PARD3B: variants seen among roughly 807,000 people sequenced by gnomAD.
The protein encoded by PARD3B is partitioning defective 3 homolog B.
Under a neutral mutation model 130.2 loss-of-function variants are expected in PARD3B, and 103 were observed. That is an observed-to-expected ratio of 0.79 (90% CI 0.67 to 0.93). The LOEUF is 0.93. PARD3B is among the 40% of genes least tolerant of loss of function. PARD3B has a pLI of 0.00. For missense variants in PARD3B, 1,609 were observed against 1,499.2 expected, an observed-to-expected ratio of 1.07 and a Z score of -1.21; for synonymous variants, 583 against 553.2, an observed-to-expected ratio of 1.05 and a Z score of -0.76.
rs2036182610 is a variant in PARD3B, at chr2:205,187,823, C to T, written c.2024+1960C>T. Reference sequence around the variant, plus strand: ...CCCGTGTGTTTTAGGCCTCTGTTCTCACTTCTTTATTAGAACTGCTCTCTT... The same window carrying T: ...CCCGTGTGTTTTAGGCCTCTGTTCTTACTTCTTTATTAGAACTGCTCTCTT... On this transcript the variant is annotated intron_variant, in intron 14 of 22. Transcript: ENST00000406610. The surrounding 1 kb of genome is among the most constrained non-coding windows in gnomAD (Gnocchi z 4.9). Among the ~76,000 whole-genome samples the T allele has an allele frequency of 1.3e-5, 2 of 152,326 alleles. No individual in the cohort carries two copies. Among genetic ancestry groups the T allele is most frequent in the South Asian group, 4.1e-4 (2 of 4,822 alleles).
chr2:205,490,054 C>G (rs948363580), intron 20 of PARD3B, among the ~76,000 whole-genome samples: 2 of 152,112 alleles, frequency 1.3e-5, no homozygotes, highest in African/African-American at 4.8e-5. Context: ...AGCTGTGGTT[C>G]ATGGTGTGTG....
chr2:204,935,345 C>A (rs7586728), intron 2 of PARD3B, among the ~76,000 whole-genome samples: 13 of 144,764 alleles, frequency 9.0e-5, no homozygotes, highest in South Asian at 4.3e-4. Context: ...CTGGCTAACA[C>A]GGTGAAACCC....
intron 2 of PARD3B, among the ~76,000 whole-genome samples, chr2:204,842,569 A>G (rs2044295991): frequency 6.6e-6 from 1 of 152,176 alleles, no homozygotes; most frequent in Non-Finnish European, 1.5e-5. Flanking sequence ...TTTCTTTTAA[A>G]TGTGCCTAAA....
At position 204,606,455 on chromosome 2, in the gene PARD3B, C is replaced by T. The variant is rs2033729022; in HGVS notation, c.120+60336C>T. Among the ~76,000 whole-genome samples the T allele has an allele frequency of 6.6e-6, 1 of 152,140 alleles. No individual in the cohort carries two copies. Among genetic ancestry groups the T allele is most frequent in the Non-Finnish European group, 1.5e-5 (1 of 68,018 alleles). On this transcript the variant is annotated intron_variant, in intron 1 of 22. Transcript: ENST00000406610. The surrounding 1 kb of genome is among the most constrained non-coding windows in gnomAD (Gnocchi z 4.0). ...GAAGGCTCCATCTTAAACATTTTTCCATGATCCAGAAGCATAGAAAAGAGA... is the reference window on the plus strand; with the variant it reads ...GAAGGCTCCATCTTAAACATTTTTCTATGATCCAGAAGCATAGAAAAGAGA...
rs2055422276 is a variant in PARD3B at position 205,616,013 on chromosome 2, G to A, written c.*200G>A. 6 of 552,610 alleles carry A rather than the reference G, an allele frequency of 1.1e-5. No homozygotes were observed. In the East Asian group the frequency reaches 1.8e-4, roughly 17 times the overall value. 34.2% of individuals were successfully genotyped at this position (552,610 alleles called of 1,614,324 possible). On this transcript the variant is annotated 3_prime_UTR_variant, in exon 23 of 23. Coordinates refer to ENST00000406610, the MANE Select transcript of PARD3B (RefSeq NM_001302769.2). The stretch of plus-strand genomic sequence containing the variant: ...AATTGGGGAGGAAAAAAAATCAGAA[G>A]GAAGACGAAAGATGGGGCTATAAAA...
At chr2:204,832,215 G>T (rs1356642063) in intron 2 of PARD3B, among the ~76,000 whole-genome samples, 7 of 151,814 alleles carry the variant, frequency 4.6e-5, no homozygotes. Flanking sequence ...GACTGAGCGA[G>T]ACTCTGTCTC....
intron 2 of PARD3B, among the ~76,000 whole-genome samples, chr2:204,766,961 TTTTC>T (rs1372141362): frequency 1.0e-4 from 7 of 67,970 alleles, no homozygotes; most frequent in Non-Finnish European, 1.1e-4. Flanking sequence ...TGTATTTTCT[TTTTC>T]TTTTTTTTTT....
intron 22 of PARD3B, 98 bp from the exon 23 acceptor site, chr2:205,615,358 G>T (rs1364848376): frequency 2.1e-6 from 2 of 972,050 alleles, no homozygotes; most frequent in African/African-American, 3.3e-5. Context: ...GACCTATGCG[G>T]TGGCCACACC....
intron 20 of PARD3B, among the ~76,000 whole-genome samples, chr2:205,489,511 GTATA>G (rs1319387567): frequency 2.7e-4 from 32 of 118,952 alleles, no homozygotes; most frequent in Admixed American, 4.7e-4. Context: ...ATATATATAC[GTATA>G]TATATATACA....
chr2:205,333,767 T>C (rs1341878100), intron 18 of PARD3B, among the ~76,000 whole-genome samples: 1 of 152,122 alleles, frequency 6.6e-6, no homozygotes, highest in Non-Finnish European at 1.5e-5. Flanking sequence ...ATCCCATGCA[T>C]TAACTAGAAG....
At chr2:205,367,527 C>A (rs1425929467) in intron 18 of PARD3B, among the ~76,000 whole-genome samples, 2 of 152,156 alleles carry the variant, frequency 1.3e-5, no homozygotes, top group Non-Finnish European at 2.9e-5. Context: ...GGACTCCCAT[C>A]TGTCTAAAAT....
At position 205,499,946 on chromosome 2, in the gene PARD3B, A is replaced by C. The variant is rs781599847; in HGVS notation, c.3095A>C (p.Glu1032Ala). 1.2e-6 allele frequency: 2 copies of C among 1,613,928 alleles called. No individual in the cohort carries two copies. The highest frequency in any genetic ancestry group is 1.7e-4 in the Middle Eastern group (1 of 6,058). Residue 1032 changes from glutamate to alanine, a missense_variant, in exon 21 of 23, where the codon GAG becomes GCG. Glu to Ala is a moderately radical substitution (Grantham distance 107, BLOSUM62 -1). Coordinates refer to ENST00000406610, the MANE Select transcript of PARD3B (RefSeq NM_001302769.2). ...STDRIQKLRK[E>A]YYQARREGFP... ...GACCGTATCCAGAAGTTGCGGAAAG[A>C]GTATTATCAGGCTCGGAGGGAAGGT...
chr2:204,631,522 C>T (rs2034680847), intron 1 of PARD3B, among the ~76,000 whole-genome samples: 1 of 152,192 alleles, frequency 6.6e-6, no homozygotes, highest in Non-Finnish European at 1.5e-5. Flanking sequence ...TGCGGGATTA[C>T]AGGCATGAGC....
At chr2:205,152,342 C>T (rs1025086787) in intron 10 of PARD3B, among the ~76,000 whole-genome samples, 1 of 152,164 alleles carries the variant, frequency 6.6e-6, no homozygotes, top group African/African-American at 2.4e-5. Context: ...TGGGTAACAT[C>T]CTGAAGAGTG....
At chr2:205,107,332 C>T (rs1286061841) in intron 5 of PARD3B, among the ~76,000 whole-genome samples, 2 of 152,184 alleles carry the variant, frequency 1.3e-5, no homozygotes, top group Non-Finnish European at 2.9e-5. Flanking sequence ...TGAGTACTAA[C>T]TCTGCTACTT....
chr2:205,392,124 C>A (rs1269811164), intron 18 of PARD3B, among the ~76,000 whole-genome samples: 1 of 152,032 alleles, frequency 6.6e-6, no homozygotes, highest in Non-Finnish European at 1.5e-5. Context: ...ATTTCCTAGC[C>A]CCTCGGTATG....
intron 15 of PARD3B, among the ~76,000 whole-genome samples, chr2:205,240,148 A>G (rs2039286560): frequency 1.3e-5 from 2 of 152,234 alleles, no homozygotes; most frequent in African/African-American, 2.4e-5. Context: ...ACAATTTGAA[A>G]CAGGTTTGCA....
At position 205,407,483 on chromosome 2, in the gene PARD3B, A is replaced by G. The variant is rs1237837664; in HGVS notation, c.2741+6360A>G. 6.6e-6 allele frequency among the ~76,000 whole-genome samples: 1 copy of G among 152,204 alleles called. No homozygotes were observed. Among genetic ancestry groups the G allele is most frequent in the African/African-American group, 2.4e-5 (1 of 41,454 alleles). Reference sequence around the variant, plus strand: ...ATGTAAATTAGCATCTTGAGCTGAAAGCAAGAGATTGTCTTAATATGTCAG... The same window carrying G: ...ATGTAAATTAGCATCTTGAGCTGAAGGCAAGAGATTGTCTTAATATGTCAG... On this transcript the variant is annotated intron_variant, in intron 19 of 22. Coordinates refer to ENST00000406610, the MANE Select transcript of PARD3B (RefSeq NM_001302769.2). The surrounding 1 kb of genome is among the most constrained non-coding windows in gnomAD (Gnocchi z 4.1).
At chr2:204,682,657 G>T (rs929427595) in intron 1 of PARD3B, among the ~76,000 whole-genome samples, 1 of 152,098 alleles carries the variant, frequency 6.6e-6, no homozygotes, top group Non-Finnish European at 1.5e-5. Context: ...TCCAAAAATC[G>T]GCTTTTCCTT....
Sources: gnomAD v4.1 joint callset for allele counts (sites outside exome capture counted in the v4.1 genomes callset) on GRCh38, gnomAD v4.1.1 for gene constraint, Gnocchi (gnomAD v3.1) non-coding constraint, MANE v1.5 for transcripts, NCBI Gene and HGNC (gene_info 2026-07-23, HGNC 2026-07-21) for gene names.